The following ATP2B4 variants were observed in gnomAD, a reference collection of about 807,000 sequenced individuals.
ATP2B4 encodes the protein plasma membrane calcium-transporting ATPase 4.
Under a neutral mutation model 110.3 loss-of-function variants are expected in ATP2B4, and 39 were observed. The observed-to-expected ratio is 0.35, with a 90% CI of 0.27 to 0.46. The LOEUF is 0.46. ATP2B4 is among the 20% of genes least tolerant of loss of function. The pLI, the probability that ATP2B4 is intolerant of heterozygous loss-of-function variation, is 1.00. For missense variants in ATP2B4, 1,135 were observed against 1,530.9 expected (o/e 0.74, Z 4.32); for synonymous variants, 538 against 571.7 (o/e 0.94, Z 0.84).
chr1:203,637,836 A>G (rs1469675185), intron 1 of ATP2B4, among the ~76,000 whole-genome samples: 5 of 152,166 alleles, frequency 3.3e-5, no homozygotes, highest in African/African-American at 1.2e-4. Context: ...CTATCTTGGG[A>G]GCTGAAGACG....
At chr1:203,677,907 A>G (rs1664875324) in intron 1 of ATP2B4, among the ~76,000 whole-genome samples, 1 of 152,186 alleles carries the variant, frequency 6.6e-6, no homozygotes, top group Non-Finnish European at 1.5e-5. Flanking sequence ...TCCAAGTGCT[A>G]CCGGCTTGCT....
At chr1:203,674,334 G>A (rs557955873) in intron 1 of ATP2B4, among the ~76,000 whole-genome samples, 1 of 152,252 alleles carries the variant, frequency 6.6e-6, no homozygotes, top group Admixed American at 6.5e-5. Flanking sequence ...GCTCTAGCTT[G>A]CTGTGAACAC....
intron 5 of ATP2B4, among the ~76,000 whole-genome samples, chr1:203,700,568 G>A (rs1398655253): frequency 6.6e-6 from 1 of 152,150 alleles, no homozygotes. Context: ...GGTGGCGGGG[G>A]CAGGAGGGAG....
chr1:203,733,245 A>G, intron 20 of ATP2B4: 1 of 1,613,274 alleles, frequency 6.2e-7, no homozygotes, highest in South Asian at 1.1e-5. Context: ...AACACATTCC[A>G]GACGGGAGCC....
chr1:203,634,705 T>A (rs1663384239), intron 1 of ATP2B4, among the ~76,000 whole-genome samples: 1 of 151,764 alleles, frequency 6.6e-6, no homozygotes, highest in South Asian at 2.1e-4. Context: ...TGCTTTATCA[T>A]CCAGCTGGAG....
chr1:203,684,312 G>A (rs1665110073), intron 2 of ATP2B4, among the ~76,000 whole-genome samples: 1 of 151,414 alleles, frequency 6.6e-6, no homozygotes, highest in South Asian at 2.1e-4. Flanking sequence ...GAGCCCAGGA[G>A]TTCCAGACCA....
intron 8 of ATP2B4, among the ~76,000 whole-genome samples, chr1:203,706,350 C>T (rs1415948495): frequency 1.3e-5 from 2 of 152,180 alleles, no homozygotes; most frequent in South Asian, 2.1e-4. Context: ...TTTAAAAAGG[C>T]GGTAATAATA....
chr1:203,714,229 C>T lies in ATP2B4; in HGVS notation c.2358C>T (p.Gly786=). ...HRQVVAVTGD[G]TNDGPALKKA... ...AGGTCGTGGCTGTCACTGGTGATGG[C>T]ACAAATGACGGGCCTGCTCTGAAGA... The change falls in exon 15 of 21, where the codon GGC becomes GGT. Residue 786 remains glycine (G), a synonymous_variant. Transcript: ENST00000357681. 1 of 1,614,126 alleles carries T rather than the reference C, an allele frequency of 6.2e-7. No individual in the cohort carries two copies. Among genetic ancestry groups the T allele is most frequent in the Non-Finnish European group, 8.5e-7 (1 of 1,180,018 alleles).
At position 203,700,916 on chromosome 1, in the gene ATP2B4, G is replaced by C; in HGVS notation, c.894G>C (p.Lys298Asn). 1 of 1,612,918 alleles carries C rather than the reference G, an allele frequency of 6.2e-7. No individual in the cohort carries two copies. Among genetic ancestry groups the C allele is most frequent in the Non-Finnish European group, 8.5e-7 (1 of 1,179,244 alleles). Residue 298 changes from lysine (K) to asparagine (N), a missense_variant, in exon 6 of 21, where the codon AAG becomes AAC. Lys to Asn is a moderately conservative substitution (Grantham distance 94). Transcript: ENST00000357681. The part of the protein sequence containing the change: ...GVNEDDEGEK[K>N]KKGKKQGVPE... ...ATGAGGATGACGAAGGGGAGAAAAA[G>C]AAGAAAGGTAAGGGGCATCTGGAAT... is the stretch of plus-strand genomic sequence containing the variant.
intron 1 of ATP2B4, among the ~76,000 whole-genome samples, chr1:203,657,947 G>T (rs1289773302): frequency 6.6e-6 from 1 of 151,820 alleles, no homozygotes; most frequent in Non-Finnish European, 1.5e-5. Flanking sequence ...CAAGTGATCC[G>T]CCCCCCTCAA....
chr1:203,642,167 C>T (rs1663652541), intron 1 of ATP2B4, among the ~76,000 whole-genome samples: 1 of 152,138 alleles, frequency 6.6e-6, no homozygotes, highest in African/African-American at 2.4e-5. Flanking sequence ...CTGTAGCCTC[C>T]AACTCCTGGG....
intron 1 of ATP2B4, among the ~76,000 whole-genome samples, chr1:203,655,570 T>TG (rs1324843512): frequency 4.6e-5 from 7 of 151,934 alleles, no homozygotes; most frequent in African/African-American, 1.7e-4. Flanking sequence ...TGCTTGAACC[T>TG]GGGAGGTGGA....
At chr1:203,724,686 G>A (rs1666450947) in intron 19 of ATP2B4, among the ~76,000 whole-genome samples, 1 of 151,904 alleles carries the variant, frequency 6.6e-6, no homozygotes, top group African/African-American at 2.4e-5. Flanking sequence ...ATGGGCTGTC[G>A]AGCTGACATA....
intron 12 of ATP2B4, 141 bp downstream of exon 12, chr1:203,711,249 T>C (rs1666001172): frequency 2.7e-6 from 2 of 746,232 alleles, no homozygotes; most frequent in Admixed American, 5.1e-5. Flanking sequence ...ACAGGACTGC[T>C]GTGGAGTGCC....
At chr1:203,649,665 A>G (rs551415376) in intron 1 of ATP2B4, among the ~76,000 whole-genome samples, 1 of 152,206 alleles carries the variant, frequency 6.6e-6, no homozygotes, top group East Asian at 1.9e-4. Flanking sequence ...CTGGTGATGC[A>G]TACCTGTAGT....
At chr1:203,714,994 T>C (rs1666119245) in intron 15 of ATP2B4, among the ~76,000 whole-genome samples, 1 of 152,170 alleles carries the variant, frequency 6.6e-6, no homozygotes, top group Non-Finnish European at 1.5e-5. Context: ...TACCTGTCAC[T>C]CAGCTTCAAC....
In ATP2B4 at chr1:203,720,839, C is replaced by G. The variant is rs979019761; in HGVS notation, c.2598+99C>G. ...TGTGTTTACTGAAGAGTAAAGACAG[C>G]GTTTCCCCATGACATTGGGACAGGA... On this transcript the variant is annotated intron_variant, in intron 16 of 20. Transcript: ENST00000357681. 9 of 1,366,486 alleles carry G rather than the reference C, an allele frequency of 6.6e-6. No individual in the cohort carries two copies. The East Asian group carries it at 1.4e-4, about 21-fold the overall frequency. 84.6% of individuals were successfully genotyped at this position (1,366,486 alleles called of 1,614,324 possible).
chr1:203,696,927 G>A (rs1665550794), intron 2 of ATP2B4, among the ~76,000 whole-genome samples: 1 of 152,170 alleles, frequency 6.6e-6, no homozygotes, highest in Non-Finnish European at 1.5e-5. Flanking sequence ...GGCATGTGGT[G>A]TGTGTACACA....
At chr1:203,733,190 A>C in intron 20 of ATP2B4, 3 of 1,590,482 alleles carry the variant, frequency 1.9e-6, no homozygotes, top group African/African-American at 1.3e-5. Context: ...CTGACTGTGG[A>C]GCAAAGCTGT....
Sources: gnomAD v4.1 joint callset for allele counts (sites outside exome capture counted in the v4.1 genomes callset) on GRCh38, gnomAD v4.1.1 for gene constraint, MANE v1.5 for transcripts, NCBI Gene and HGNC (gene_info 2026-07-23, HGNC 2026-07-21) for gene names.